MTERF4: variants seen among roughly 807,000 people sequenced by gnomAD.
The protein encoded by MTERF4 is mitochondrial transcription termination factor 4.
A neutral mutation model predicts 22.5 loss-of-function variants in MTERF4; 17 were observed. The ratio of observed to expected loss-of-function variants is 0.75; its 90% CI spans 0.52 to 1.13. The LOEUF (loss-of-function observed/expected upper bound fraction) is 1.13, where lower values mean the gene tolerates loss of function less well. Among genes scored for constraint, MTERF4 ranks in the 50% most tolerant of loss-of-function variants. MTERF4 has a pLI of 0.00. For synonymous variants in MTERF4, 165 were observed against 175.3 expected (o/e 0.94, Z 0.47); for missense variants, 420 against 466.8 (o/e 0.90, Z 0.92).
In MTERF4 at chr2:241,073,430, C is replaced by T. The variant is rs2062843388; in HGVS notation, n.2732G>A. On this transcript the variant is annotated non_coding_transcript_exon_variant, in exon 5 of 5. Coordinates refer to the MTERF4 transcript ENST00000464344. The surrounding 1 kb of genome is among the most constrained non-coding windows in gnomAD (Gnocchi z 6.6). ...CTGCTCTCAGGGGCCTTAGAGGCTG[C>T]AGGCAGGAGGGACCACCCACGGTGA... 6 of 1,355,326 alleles carry T rather than the reference C, an allele frequency of 4.4e-6. No individual in the cohort carries two copies. Among genetic ancestry groups the T allele is most frequent in the Non-Finnish European group, 6.2e-6 (6 of 968,838 alleles). The allele number at this position is 1,355,326 out of a possible 1,614,324, so 84.0% of individuals were successfully genotyped here. A position where few individuals can be genotyped will look rare whatever the true frequency, so the allele number is the denominator to read the frequency against.
At position 241,073,612 on chromosome 2, in the gene MTERF4, T is replaced by G. The variant is rs2062858005; in HGVS notation, n.2550A>C. 1.8e-6 allele frequency: 1 copy of G among 545,704 alleles called. No homozygotes were observed. The highest frequency in any genetic ancestry group is 3.1e-5 in the Admixed American group (1 of 32,032). The allele number at this position is 545,704 out of a possible 1,614,324, so 33.8% of individuals were successfully genotyped here. A position where few individuals can be genotyped will look rare whatever the true frequency, so the allele number is the denominator to read the frequency against. The stretch of plus-strand genomic sequence containing the variant: ...CACCCAAACCACCCAGAGTCTGAGC[T>G]AGAGAGACTGGCTTTGATGCTGCCT... On this transcript the variant is annotated non_coding_transcript_exon_variant, in exon 5 of 5. Transcript: ENST00000464344. This position sits in a 1 kb window ranked among gnomAD's most constrained non-coding sequence, Gnocchi z 6.6.
At chr2:241,053,319 G>A in the MTERF4 span, 1 of 1,571,980 alleles carries the variant, frequency 6.4e-7, no homozygotes, top group Non-Finnish European at 8.7e-7. Context: ...AGCCTCCCCA[G>A]TGCCTTGGTG....
Position 241,073,089 on chromosome 2 carries a change from CA to C in MTERF4, n.3072del. ...CAGAGGGTCAGCAGGAGGGTGAGGC[CA>C]GCCCTTCAGGGGAGGCAGCTCTGGG... is the stretch of plus-strand genomic sequence containing the variant. On this transcript the variant is annotated non_coding_transcript_exon_variant, in exon 5 of 5. Coordinates refer to the MTERF4 transcript ENST00000464344. The surrounding 1 kb of genome is among the most constrained non-coding windows in gnomAD (Gnocchi z 6.6). 4 of 585,124 alleles carry C rather than the reference CA, an allele frequency of 6.8e-6. No homozygotes were observed. The South Asian group carries it at 8.6e-5, about 13-fold the overall frequency. The allele number at this position is 585,124 out of a possible 1,614,324, so 36.2% of individuals were successfully genotyped here. A position where few individuals can be genotyped will look rare whatever the true frequency, so the allele number is the denominator to read the frequency against.
At chr2:241,084,253 C>T (rs2063473907), downstream of MTERF4, among the ~76,000 whole-genome samples, 1 of 151,512 alleles carries the variant, frequency 6.6e-6, no homozygotes, top group Non-Finnish European at 1.5e-5. Context: ...TCTCCTGCCT[C>T]AGCCCCCCGA....
chr2:241,048,301 C>T, the MTERF4 span: 29 of 1,586,596 alleles, frequency 1.8e-5, no homozygotes, highest in Non-Finnish European at 2.4e-5. Context: ...TGGTGACTGC[C>T]GTCTTTCTTG....
chr2:241,068,699 C>A (rs2062572086), downstream of MTERF4, among the ~76,000 whole-genome samples: 1 of 152,190 alleles, frequency 6.6e-6, no homozygotes, highest in Admixed American at 6.5e-5. The surrounding 1 kb of genome is among the most constrained non-coding windows in gnomAD (Gnocchi z 5.3). Flanking sequence ...CCCGATCCTC[C>A]TCCGCTGCCC....
chr2:241,087,442 G>A, downstream of MTERF4: 4 of 1,604,018 alleles, frequency 2.5e-6, no homozygotes, highest in Non-Finnish European at 3.4e-6. Context: ...AAAGAGAGCT[G>A]TGAAAGCACA....
chr2:241,071,686 C>A, downstream of MTERF4: 3 of 1,541,854 alleles, frequency 1.9e-6, no homozygotes, highest in Non-Finnish European at 2.6e-6. Flanking sequence ...GCTCAATGAC[C>A]ACAGCGCCCC....
chr2:241,084,153 T>TTTTTTG (rs2063467474), downstream of MTERF4, among the ~76,000 whole-genome samples: 1 of 148,474 alleles, frequency 6.7e-6, no homozygotes, highest in African/African-American at 2.6e-5. Flanking sequence ...TTTTTTTTTT[T>TTTTTTG]GAGACAAAGT....
chr2:241,097,392 T>C lies in MTERF4; in HGVS notation c.556A>G (p.Ile186Val), dbSNP rs1481439744. ...ATGTCCTGCTGGCGCATGGTGAAAA[T>C]TTCAGGGCAACAGTAAAGCACCCTC... is the stretch of plus-strand genomic sequence containing the variant. ...LKRVLYCCPEIFTMRQQDIND... is the reference protein window; with the variant it reads ...LKRVLYCCPEVFTMRQQDIND... Residue 186 changes from isoleucine to valine, a missense_variant, in exon 3 of 4, where the codon ATT becomes GTT. By Grantham distance (29) the Ile-to-Val change is conservative. Coordinates refer to ENST00000391980, the MANE Select transcript of MTERF4 (RefSeq NM_182501.4). The C allele has an allele frequency of 1.2e-6, 2 of 1,614,092 alleles. No individual in the cohort carries two copies. The highest frequency in any genetic ancestry group is 2.2e-5 in the East Asian group (1 of 44,876).
At chr2:241,064,178 CTCTGCCCGCCT>C in the MTERF4 span, 1 of 1,267,946 alleles carries the variant, frequency 7.9e-7, no homozygotes. This position sits in a 1 kb window ranked among gnomAD's most constrained non-coding sequence, Gnocchi z 7.0. Flanking sequence ...GCTCCCCGCC[CTCTGCCCGCCT>C]GCTGCCCGCC....
exon 5 of MTERF4, chr2:241,072,379 C>CG (rs2062775803): frequency 2.7e-6 from 1 of 367,022 alleles, no homozygotes; most frequent in Non-Finnish European, 5.3e-6. Flanking sequence ...GGGTGAGTGC[C>CG]GCTCTGGGAA....
chr2:241,059,769 C>T, the MTERF4 span, among the ~76,000 whole-genome samples: 3 of 152,164 alleles, frequency 2.0e-5, no homozygotes, highest in Non-Finnish European at 4.4e-5. Flanking sequence ...ATAATTTCCT[C>T]AACCTGATAA....
At chr2:241,070,223 C>T (rs776562624), downstream of MTERF4, 34 of 1,584,820 alleles carry the variant, frequency 2.1e-5, no homozygotes, top group South Asian at 2.3e-4. Context: ...GGGCCCTGCG[C>T]GTGGGCGGGG....
At chr2:241,081,535 GT>G (rs2063329215) in intron 4 of MTERF4, 2 of 655,560 alleles carry the variant, frequency 3.1e-6, no homozygotes, top group South Asian at 3.5e-5. Flanking sequence ...GCCCAGAGGC[GT>G]TTGGGAGGCC....
At chr2:241,062,321 A>G in the MTERF4 span, among the ~76,000 whole-genome samples, 1 of 152,176 alleles carries the variant, frequency 6.6e-6, no homozygotes, top group Non-Finnish European at 1.5e-5. Context: ...CTTTTTAAGC[A>G]TGAAATTAAA....
the MTERF4 span, chr2:241,064,163 CGCCT>C: frequency 7.2e-7 from 1 of 1,394,838 alleles, no homozygotes; most frequent in Non-Finnish European, 9.7e-7. The surrounding 1 kb of genome is among the most constrained non-coding windows in gnomAD (Gnocchi z 7.0). Context: ...GCCCTCTGCC[CGCCT>C]GCTCCCCGCC....
At chr2:241,081,915 G>A in intron 4 of MTERF4, 1 of 754,060 alleles carries the variant, frequency 1.3e-6, no homozygotes, top group Non-Finnish European at 2.2e-6. Context: ...CAGACAGGGA[G>A]TCTGGTGCAC....
At chr2:241,064,787 T>C in the MTERF4 span, 36 of 1,293,128 alleles carry the variant, frequency 2.8e-5, no homozygotes, top group African/African-American at 5.3e-4. This position sits in a 1 kb window ranked among gnomAD's most constrained non-coding sequence, Gnocchi z 7.0. Context: ...AGGGCGGGGC[T>C]GGAGCAGGGA....
Sources: allele counts gnomAD v4.1 joint callset (sites outside exome capture counted in the v4.1 genomes callset), GRCh38; gene constraint gnomAD v4.1.1; non-coding constraint Gnocchi (gnomAD v3.1); transcripts MANE v1.5; gene names NCBI Gene and HGNC (gene_info 2026-07-23, HGNC 2026-07-21).